The following CNTNAP2 variants were observed in gnomAD, a reference collection of about 807,000 sequenced individuals.
CNTNAP2 encodes contactin-associated protein-like 2.
Under a neutral mutation model 155.2 loss-of-function variants are expected in CNTNAP2, and 98 were observed. The observed-to-expected ratio is 0.63, with a 90% confidence interval of 0.54 to 0.75. The LOEUF (loss-of-function observed/expected upper bound fraction) is 0.75. CNTNAP2 is among the 30% of genes least tolerant of loss of function. The pLI, the probability that CNTNAP2 is intolerant of heterozygous loss-of-function variation, is 0.00. For missense variants in CNTNAP2, 1,727 were observed against 1,688.1 expected (o/e 1.02, Z -0.40); for synonymous variants, 651 against 631.2 (o/e 1.03, Z -0.47).
chr7:146,160,729 A>G (rs1426755064), intron 1 of CNTNAP2, among the ~76,000 whole-genome samples: 2 of 152,148 alleles, frequency 1.3e-5, no homozygotes, highest in Admixed American at 6.5e-5. Flanking sequence ...CAACCAAAAA[A>G]AGTCCAGGAC....
rs139353954 is a variant in CNTNAP2, at chr7:147,332,691, G to A, written c.1498+32401G>A. On this transcript the variant is annotated intron_variant, in intron 9 of 23. Coordinates refer to ENST00000361727, the MANE Select transcript of CNTNAP2 (RefSeq NM_014141.6). ...AGCCTGACCAACATGGTGAAACCCC[G>A]TCTCTACTAATAGTACAAGAATTAG... Among the ~76,000 whole-genome samples, 1,368 of 152,140 alleles carry A rather than the reference G, an allele frequency of 9.0e-3. 6 individuals carry two copies. Among genetic ancestry groups the A allele is most frequent in the Non-Finnish European group, 0.014 (927 of 67,990 alleles).
chr7:146,760,174 ATAAGG>A (rs764974610), intron 1 of CNTNAP2, among the ~76,000 whole-genome samples: 5 of 152,146 alleles, frequency 3.3e-5, no homozygotes, highest in Non-Finnish European at 5.9e-5. Flanking sequence ...ATTTTAATAA[ATAAGG>A]TAAATGAGCC....
chr7:146,660,274 A>G (rs1424789833), intron 1 of CNTNAP2, among the ~76,000 whole-genome samples: 1 of 152,198 alleles, frequency 6.6e-6, no homozygotes, highest in African/African-American at 2.4e-5. Context: ...AATCCCTTAT[A>G]AAACAGACCA....
At chr7:146,702,726 T>C (rs1345100402) in intron 1 of CNTNAP2, among the ~76,000 whole-genome samples, 2 of 152,188 alleles carry the variant, frequency 1.3e-5, no homozygotes, top group African/African-American at 4.8e-5. Context: ...TTAGGTGGAA[T>C]GTCTCAATTC....
chr7:146,816,081 G>C (rs541660118), intron 2 of CNTNAP2, among the ~76,000 whole-genome samples: 17 of 152,232 alleles, frequency 1.1e-4, no homozygotes, highest in African/African-American at 3.9e-4. Flanking sequence ...TCTCTACAAA[G>C]GACTTTAACT....
At chr7:146,855,220 A>T (rs964322014) in intron 3 of CNTNAP2, among the ~76,000 whole-genome samples, 5 of 152,196 alleles carry the variant, frequency 3.3e-5, no homozygotes, top group African/African-American at 1.2e-4. Flanking sequence ...CAGCATTCTC[A>T]TATACTCCTG....
chr7:148,049,865 A>G (rs1337254370), intron 15 of CNTNAP2, among the ~76,000 whole-genome samples: 1 of 152,202 alleles, frequency 6.6e-6, no homozygotes, highest in Non-Finnish European at 1.5e-5. Flanking sequence ...TATTTTAAAA[A>G]ATTTGCTGTG....
At chr7:146,299,391 G>A (rs1196701804) in intron 1 of CNTNAP2, among the ~76,000 whole-genome samples, 1 of 151,976 alleles carries the variant, frequency 6.6e-6, no homozygotes, top group Admixed American at 6.6e-5. Flanking sequence ...AAGTCTCAAA[G>A]CCAATGATTA....
intron 1 of CNTNAP2, among the ~76,000 whole-genome samples, chr7:146,318,442 G>A (rs927381375): frequency 3.2e-4 from 48 of 151,876 alleles, no homozygotes; most frequent in South Asian, 4.2e-4. Flanking sequence ...CAAAATATAC[G>A]TCACTTAAAA....
chr7:147,534,433 G>A (rs1374192137), intron 11 of CNTNAP2, among the ~76,000 whole-genome samples: 1 of 152,064 alleles, frequency 6.6e-6, no homozygotes, highest in Non-Finnish European at 1.5e-5. Context: ...CTCTGCCCAG[G>A]CCTCCTTAGG....
intron 3 of CNTNAP2, among the ~76,000 whole-genome samples, chr7:146,956,068 G>A (rs1797428621): frequency 6.9e-6 from 1 of 145,030 alleles, no homozygotes; most frequent in South Asian, 2.2e-4. Context: ...TTTTAAAAAT[G>A]AAAGAGATGA....
chr7:147,396,009 ATATATATGCTATATATGAGATATATCC>A (rs1796807492), intron 10 of CNTNAP2, among the ~76,000 whole-genome samples: 1 of 148,826 alleles, frequency 6.7e-6, no homozygotes, highest in Non-Finnish European at 1.5e-5. Context: ...CATATATAGC[ATATATATGCTATATATGAGATATATCC>A]TATATGTGCT....
At chr7:147,870,009 A>G (rs769744507) in intron 13 of CNTNAP2, among the ~76,000 whole-genome samples, 2 of 152,160 alleles carry the variant, frequency 1.3e-5, no homozygotes, top group Non-Finnish European at 2.9e-5. Flanking sequence ...TATAAGATGG[A>G]CATTATTATT....
At chr7:148,308,314 T>A (rs780559913) in intron 21 of CNTNAP2, among the ~76,000 whole-genome samples, 36 of 152,138 alleles carry the variant, frequency 2.4e-4, no homozygotes, top group African/African-American at 8.2e-4. Context: ...ACATGTTCAC[T>A]GCAGAAAACT....
At chr7:147,353,704 T>A (rs1796009495) in intron 9 of CNTNAP2, among the ~76,000 whole-genome samples, 1 of 152,124 alleles carries the variant, frequency 6.6e-6, no homozygotes, top group South Asian at 2.1e-4. Context: ...TGGGTCTAGA[T>A]CCTTGAGGAA....
chr7:147,594,451 A>T (rs1394503957), intron 12 of CNTNAP2, among the ~76,000 whole-genome samples: 1 of 152,126 alleles, frequency 6.6e-6, no homozygotes, highest in Admixed American at 6.6e-5. Flanking sequence ...GTTTTTATTT[A>T]TCAAAAAGGT....
At chr7:147,455,349 C>T (rs1390057070) in intron 10 of CNTNAP2, among the ~76,000 whole-genome samples, 2 of 152,068 alleles carry the variant, frequency 1.3e-5, no homozygotes, top group Admixed American at 1.3e-4. Context: ...GTTATTATAA[C>T]TCCAATTTAA....
chr7:146,967,270 T>C (rs1247030935), intron 3 of CNTNAP2, among the ~76,000 whole-genome samples: 1 of 152,228 alleles, frequency 6.6e-6, no homozygotes, highest in South Asian at 2.1e-4. Context: ...ATTATGTTCA[T>C]ATGCATGTAA....
intron 1 of CNTNAP2, among the ~76,000 whole-genome samples, chr7:146,631,975 G>A (rs899542969): frequency 4.6e-5 from 7 of 152,104 alleles, no homozygotes; most frequent in Admixed American, 2.6e-4. Flanking sequence ...TTGATTAAAA[G>A]TATATCATTT....
Sources: allele counts gnomAD v4.1 joint callset (sites outside exome capture counted in the v4.1 genomes callset), GRCh38; gene constraint gnomAD v4.1.1; transcripts MANE v1.5; gene names NCBI Gene and HGNC (gene_info 2026-07-23, HGNC 2026-07-21).